ZNF469: variants seen among roughly 807,000 people sequenced by gnomAD.
The protein encoded by ZNF469 is zinc finger protein 469.
In ZNF469, 1 loss-of-function variant was observed where a neutral mutation model predicts 1.0. The observed-to-expected ratio is 1.00, with a 90% CI of 0.35 to 4.73. ZNF469 has a LOEUF of 4.73. Ranked by LOEUF, ZNF469 falls within the 30% of genes most tolerant of loss-of-function variation. ZNF469 has a pLI of 0.16. For missense variants in ZNF469, 6,100 were observed against 5,356.3 expected (o/e 1.14, Z -4.33); for synonymous variants, 2,703 against 2,363.4 (o/e 1.14, Z -4.17).
At chr16:88,133,860 G>A in the ZNF469 span, among the ~76,000 whole-genome samples, 1 of 152,184 alleles carries the variant, frequency 6.6e-6, no homozygotes, top group Non-Finnish European at 1.5e-5. Flanking sequence ...GTGGGAGGCC[G>A]AGGCGGGTGG....
At chr16:88,396,246 C>G (rs947061773) in intron 1 of ZNF469, among the ~76,000 whole-genome samples, 4 of 152,276 alleles carry the variant, frequency 2.6e-5, no homozygotes, top group Admixed American at 2.6e-4. Context: ...AAAGCTAAAT[C>G]CAGGTTCTCA....
At chr16:88,104,631 C>A in the ZNF469 span, among the ~76,000 whole-genome samples, 1 of 152,174 alleles carries the variant, frequency 6.6e-6, no homozygotes, top group South Asian at 2.1e-4. Context: ...TTCCGGGGGC[C>A]TGTCCATGCA....
intron 1 of ZNF469, among the ~76,000 whole-genome samples, chr16:88,419,045 G>T (rs1905380913): frequency 6.6e-6 from 1 of 152,214 alleles, no homozygotes; most frequent in Non-Finnish European, 1.5e-5. Flanking sequence ...GGGCAGACAC[G>T]ATGCTCAGGA....
chr16:88,396,311 C>T (rs1293313917), intron 1 of ZNF469, among the ~76,000 whole-genome samples: 5 of 152,266 alleles, frequency 3.3e-5, no homozygotes, highest in Non-Finnish European at 7.3e-5. Context: ...CTTTTCTGCA[C>T]ATCAGCTCCA....
At chr16:88,243,926 AT>A in the ZNF469 span, among the ~76,000 whole-genome samples, 17 of 88,282 alleles carry the variant, frequency 1.9e-4, no homozygotes, top group Admixed American at 5.8e-4. Flanking sequence ...ATATATATAT[AT>A]ATATATATAT....
At position 88,430,750 on chromosome 16, in the gene ZNF469, T is replaced by C; in HGVS notation, c.3280T>C (p.Phe1094Leu). 6.6e-7 allele frequency: 1 copy of C among 1,505,614 alleles called. No individual in the cohort carries two copies. Among genetic ancestry groups the C allele is most frequent in the Non-Finnish European group, 8.8e-7 (1 of 1,134,226 alleles). The allele number at this position is 1,505,614 out of a possible 1,614,324, so 93.3% of individuals were successfully genotyped here. The change falls in exon 3 of 3, where the codon TTC becomes CTC. Residue 1094 changes from phenylalanine to leucine, a missense_variant. Phe to Leu is a conservative substitution (Grantham distance 22). Coordinates refer to ENST00000565624, the MANE Select transcript of ZNF469 (RefSeq NM_001367624.2). ...AEDRRLREYDFASESEEDEQP... is the reference protein window; with the variant it reads ...AEDRRLREYDLASESEEDEQP... ...GGACCGCAGGCTCCGCGAGTACGAC[T>C]TCGCCTCGGAGTCCGAGGAGGACGA...
chr16:88,375,294 C>A, the ZNF469 span, among the ~76,000 whole-genome samples: 4 of 152,240 alleles, frequency 2.6e-5, no homozygotes, highest in African/African-American at 9.6e-5. Flanking sequence ...TCTCTCAGCA[C>A]AAGGATGGGG....
chr16:88,110,339 G>A, the ZNF469 span, among the ~76,000 whole-genome samples: 14 of 152,246 alleles, frequency 9.2e-5, no homozygotes, highest in African/African-American at 2.7e-4. Flanking sequence ...CTGCCAGTCC[G>A]CTTGGAGAAT....
chr16:88,430,374 G>A lies in ZNF469; in HGVS notation c.2904G>A (p.Gly968=). 1 of 1,516,778 alleles carries A rather than the reference G, an allele frequency of 6.6e-7. No individual in the cohort carries two copies. Among genetic ancestry groups the A allele is most frequent in the Non-Finnish European group, 8.8e-7 (1 of 1,136,178 alleles). The allele number at this position is 1,516,778 out of a possible 1,614,324, so 94.0% of individuals were successfully genotyped here. The change falls in exon 3 of 3, where the codon GGG becomes GGA. Residue 968 remains glycine, a synonymous_variant. Coordinates refer to ENST00000565624, the MANE Select transcript of ZNF469 (RefSeq NM_001367624.2). ...CGGGCGGCGCAGCAGAGGGGTCGGG[G>A]TCGGGCGGCGGCGGCAGAGCCTCCG... ...LDSGGAAEGS[G]SGGGGRASGL...
At chr16:88,279,281 T>C in the ZNF469 span, among the ~76,000 whole-genome samples, 1 of 151,440 alleles carries the variant, frequency 6.6e-6, no homozygotes, top group Non-Finnish European at 1.5e-5. Flanking sequence ...CGTGTAGATA[T>C]CAGTGCACAG....
chr16:88,384,084 T>A (rs1469126380), intron 1 of ZNF469, among the ~76,000 whole-genome samples: 2 of 152,178 alleles, frequency 1.3e-5, no homozygotes, highest in South Asian at 2.1e-4. Flanking sequence ...CGGAGGCGGT[T>A]AACTGCTTCA....
At chr16:88,354,988 C>G in the ZNF469 span, among the ~76,000 whole-genome samples, 3 of 152,092 alleles carry the variant, frequency 2.0e-5, no homozygotes, top group African/African-American at 7.2e-5. Flanking sequence ...TCTCTAGGCC[C>G]TTGTCCCCGC....
At chr16:88,203,207 AC>A in the ZNF469 span, among the ~76,000 whole-genome samples, 1 of 151,704 alleles carries the variant, frequency 6.6e-6, no homozygotes, top group South Asian at 2.1e-4. Context: ...AGAGTGAGGA[AC>A]CCCCCAGGGA....
Position 88,429,714 on chromosome 16 carries a change from C to G in ZNF469, c.2244C>G (p.Ala748=). ...ACAGCAGCCTGGCGGCCTTCCTGGC[C>G]CACCGGCAGTTCTGTGGCCTGCTCC... is the stretch of plus-strand genomic sequence containing the variant. ...RNYSSLAAFL[A]HRQFCGLLLA... is the part of the protein sequence containing the mutation. The change falls in exon 3 of 3, where the codon GCC becomes GCG. Residue 748 remains alanine, a synonymous_variant. Coordinates refer to ENST00000565624, the MANE Select transcript of ZNF469 (RefSeq NM_001367624.2). 1 of 1,543,472 alleles carries G rather than the reference C, an allele frequency of 6.5e-7. No individual in the cohort carries two copies. The highest frequency in any genetic ancestry group is 8.8e-7 in the Non-Finnish European group (1 of 1,142,846).
the ZNF469 span, among the ~76,000 whole-genome samples, chr16:88,328,592 C>T: frequency 2.6e-5 from 4 of 152,328 alleles, no homozygotes; most frequent in Non-Finnish European, 2.9e-5. Context: ...GTCCAGGGCC[C>T]GGGTTCTTCT....
chr16:88,430,730 G>C lies in ZNF469; in HGVS notation c.3260G>C (p.Arg1087Pro), dbSNP rs1906104601. The C allele has an allele frequency of 6.7e-7, 1 of 1,496,818 alleles. No individual in the cohort carries two copies. Among genetic ancestry groups the C allele is most frequent in the Non-Finnish European group, 8.8e-7 (1 of 1,131,106 alleles). 92.7% of individuals were successfully genotyped at this position (1,496,818 alleles called of 1,614,324 possible). Reference sequence around the variant, plus strand: ...AGGCCCCGGCCCGGAGCTGAGGACCGCAGGCTCCGCGAGTACGACTTCGCC... The same window carrying C: ...AGGCCCCGGCCCGGAGCTGAGGACCCCAGGCTCCGCGAGTACGACTTCGCC... ...AGRPRPGAED[R>P]RLREYDFASE... The change falls in exon 3 of 3, where the codon CGC becomes CCC. Residue 1087 changes from arginine to proline, a missense_variant. By Grantham distance (103) the Arg-to-Pro change is moderately radical. Transcript: ENST00000565624.
At chr16:88,150,872 G>A in the ZNF469 span, among the ~76,000 whole-genome samples, 6 of 152,074 alleles carry the variant, frequency 3.9e-5, no homozygotes, top group Non-Finnish European at 8.8e-5. Context: ...TCTGCGCCAC[G>A]TCATTCATCT....
At chr16:88,410,830 G>T (rs1408402071) in intron 1 of ZNF469, among the ~76,000 whole-genome samples, 5 of 152,310 alleles carry the variant, frequency 3.3e-5, no homozygotes, top group African/African-American at 7.2e-5. Context: ...GGTGAAGTTT[G>T]CAGTGAAGCG....
chr16:88,295,079 C>T, the ZNF469 span, among the ~76,000 whole-genome samples: 72 of 113,828 alleles, frequency 6.3e-4, no homozygotes, highest in African/African-American at 2.2e-3. Context: ...CTGGGGAGGA[C>T]GTCATCTCAG....
Sources: gnomAD v4.1 joint callset for allele counts (sites outside exome capture counted in the v4.1 genomes callset) on GRCh38, gnomAD v4.1.1 for gene constraint, MANE v1.5 for transcripts, NCBI Gene and HGNC (gene_info 2026-07-23, HGNC 2026-07-21) for gene names.